The following PTPRM variants were observed in gnomAD, a reference collection of about 807,000 sequenced individuals.
PTPRM encodes the protein protein tyrosine phosphatase receptor type M.
A neutral mutation model predicts 186.7 loss-of-function variants in PTPRM; 47 were observed. The ratio of observed to expected loss-of-function variants is 0.25; its 90% CI spans 0.20 to 0.32. The LOEUF (loss-of-function observed/expected upper bound fraction) is 0.32. Among genes scored for constraint, PTPRM ranks in the 10% least tolerant of loss-of-function variants. PTPRM has a pLI of 1.00. For missense variants in PTPRM, 1,494 were observed against 1,865.0 expected, an observed-to-expected ratio of 0.80 and a Z score of 3.66; for synonymous variants, 668 against 674.9, an observed-to-expected ratio of 0.99 and a Z score of 0.16.
intron 2 of PTPRM, among the ~76,000 whole-genome samples, chr18:7,856,765 G>T (rs1304474911): frequency 6.9e-6 from 1 of 143,990 alleles, no homozygotes; most frequent in African/African-American, 2.6e-5. Context: ...AAGTCATCAA[G>T]AGTGTGCCTG....
At chr18:7,683,129 G>T (rs1470549011) in intron 1 of PTPRM, among the ~76,000 whole-genome samples, 1 of 150,948 alleles carries the variant, frequency 6.6e-6, no homozygotes, top group African/African-American at 2.4e-5. Flanking sequence ...AATGACGACT[G>T]CCCATGAAAT....
chr18:7,994,952 G>A (rs2083455788), intron 7 of PTPRM, among the ~76,000 whole-genome samples: 1 of 151,924 alleles, frequency 6.6e-6, no homozygotes, highest in South Asian at 2.1e-4. Flanking sequence ...TAGTAGAAGG[G>A]AAGAAATAAT....
At chr18:7,650,902 T>C (rs1292000906) in intron 1 of PTPRM, among the ~76,000 whole-genome samples, 11 of 151,058 alleles carry the variant, frequency 7.3e-5, no homozygotes, top group South Asian at 2.1e-4. Context: ...TGCAAAGTTA[T>C]AAAATTAGAC....
At chr18:7,662,108 G>A (rs1470050554) in intron 1 of PTPRM, among the ~76,000 whole-genome samples, 1 of 143,294 alleles carries the variant, frequency 7.0e-6, no homozygotes, top group East Asian at 2.1e-4. Context: ...ATTTTTTTTT[G>A]TATTTTTTGT....
intron 3 of PTPRM, among the ~76,000 whole-genome samples, chr18:7,903,539 T>C (rs1054423134): frequency 2.6e-5 from 4 of 152,206 alleles, no homozygotes; most frequent in East Asian, 1.9e-4. Context: ...TTTTGTACTC[T>C]CAGTTGTCTT....
At chr18:8,255,848 G>A (rs1179919736) in intron 19 of PTPRM, among the ~76,000 whole-genome samples, 1 of 152,138 alleles carries the variant, frequency 6.6e-6, no homozygotes, top group Non-Finnish European at 1.5e-5. Flanking sequence ...GATGGTGGGC[G>A]GGCATGCCTG....
At chr18:8,247,091 T>G (rs11661288) in intron 15 of PTPRM, among the ~76,000 whole-genome samples, 23,444 of 142,148 alleles carry the variant, frequency 0.16, 1,969 homozygotes, top group African/African-American at 0.23. Context: ...ACTAATCAAT[T>G]AATACATTTG....
Position 8,315,229 on chromosome 18 carries a change from C to T in PTPRM, c.2919+372C>T, listed in dbSNP as rs79719411. 5.2e-3 allele frequency among the ~76,000 whole-genome samples: 799 copies of T among 152,244 alleles called. 5 individuals carry two copies. Among genetic ancestry groups the T allele is most frequent in the African/African-American group, 0.018 (763 of 41,554 alleles). On this transcript the variant is annotated intron_variant, in intron 21 of 32. Coordinates refer to ENST00000580170, the MANE Select transcript of PTPRM (RefSeq NM_001105244.2). ...GTTATTTCCATTTTTTTGTCAACAA[C>T]TCATATTATTCGACACTTAAAAAAT... is the stretch of plus-strand genomic sequence containing the variant.
At chr18:7,638,938 T>C (rs2038380669) in intron 1 of PTPRM, among the ~76,000 whole-genome samples, 1 of 152,230 alleles carries the variant, frequency 6.6e-6, no homozygotes, top group Non-Finnish European at 1.5e-5. Context: ...TAAACTCTTT[T>C]CCTCACAGTG....
intron 11 of PTPRM, among the ~76,000 whole-genome samples, chr18:8,089,906 A>C (rs749036260): frequency 2.0e-5 from 3 of 152,136 alleles, no homozygotes; most frequent in Admixed American, 6.6e-5. Flanking sequence ...AGAAATTTTT[A>C]TTTGAAAAAT....
intron 1 of PTPRM, among the ~76,000 whole-genome samples, chr18:7,711,144 T>C (rs188332924): frequency 4.6e-5 from 7 of 152,176 alleles, no homozygotes; most frequent in African/African-American, 1.2e-4. Context: ...GCTCATCTCA[T>C]TGGGACTGGT....
chr18:7,675,625 C>T (rs576426898), intron 1 of PTPRM, among the ~76,000 whole-genome samples: 18 of 152,256 alleles, frequency 1.2e-4, no homozygotes, highest in Middle Eastern at 3.4e-3. Context: ...GTTCTGCTGA[C>T]GCTGGTTTAC....
intron 2 of PTPRM, chr18:7,815,820 A>G (rs575911870): frequency 2.8e-4 from 43 of 152,336 alleles, no homozygotes; most frequent in African/African-American, 1.0e-3. Context: ...GATTTAATAT[A>G]TGGACAGCAA....
intron 4 of PTPRM, among the ~76,000 whole-genome samples, chr18:7,910,869 G>C (rs1252530223): frequency 6.6e-6 from 1 of 152,084 alleles, no homozygotes; most frequent in Non-Finnish European, 1.5e-5. Context: ...TTTTGATTTA[G>C]TTCTAGGAAG....
chr18:7,985,034 A>ATT (rs2082830373), intron 7 of PTPRM, among the ~76,000 whole-genome samples: 5 of 124,090 alleles, frequency 4.0e-5, no homozygotes, highest in Non-Finnish European at 1.6e-5. Flanking sequence ...TACATATATA[A>ATT]ATATATACAT....
intron 1 of PTPRM, among the ~76,000 whole-genome samples, chr18:7,709,157 A>G (rs2144766796): frequency 6.6e-6 from 1 of 152,284 alleles, no homozygotes; most frequent in East Asian, 1.9e-4. Flanking sequence ...GCCATATGAT[A>G]GACCACAAAA....
intron 7 of PTPRM, among the ~76,000 whole-genome samples, chr18:7,956,403 T>C (rs1478974247): frequency 6.6e-6 from 1 of 152,260 alleles, no homozygotes; most frequent in Non-Finnish European, 1.5e-5. Flanking sequence ...ATTTGTATTA[T>C]ACTGTTTCCA....
At chr18:7,864,447 A>G (rs1003392554) in intron 2 of PTPRM, among the ~76,000 whole-genome samples, 3 of 152,232 alleles carry the variant, frequency 2.0e-5, no homozygotes, top group Non-Finnish European at 2.9e-5. Flanking sequence ...CATTTATTAA[A>G]TAGGGAATCC....
intron 14 of PTPRM, among the ~76,000 whole-genome samples, chr18:8,196,747 A>G (rs1358222897): frequency 6.6e-6 from 1 of 152,202 alleles, no homozygotes; most frequent in Non-Finnish European, 1.5e-5. Flanking sequence ...ACATGTTCCC[A>G]TATGTCACGA....
Sources: gnomAD v4.1 joint callset for allele counts (sites outside exome capture counted in the v4.1 genomes callset) on GRCh38, gnomAD v4.1.1 for gene constraint, MANE v1.5 for transcripts, NCBI Gene and HGNC (gene_info 2026-07-23, HGNC 2026-07-21) for gene names.